LGALS14: variants seen among roughly 807,000 people sequenced by gnomAD.
LGALS14 encodes galectin 14, also known as placental protein 13-like.
LGALS14 carries 14 observed loss-of-function variants against 14.6 expected under a neutral mutation model. The observed-to-expected ratio is 0.96, with a 90% confidence interval of 0.64 to 1.50. The LOEUF (loss-of-function observed/expected upper bound fraction) is 1.50. Among genes scored for constraint, LGALS14 ranks in the 40% most tolerant of loss-of-function variants. LGALS14 has a pLI of 0.00. For synonymous variants in LGALS14, 57 were observed against 63.9 expected, an observed-to-expected ratio of 0.89 and a Z score of 0.51; for missense variants, 180 against 172.0, an observed-to-expected ratio of 1.05 and a Z score of -0.26.
chr19:39,705,064 G>C (rs557705792), intron 1 of LGALS14, among the ~76,000 whole-genome samples: 4 of 152,120 alleles, frequency 2.6e-5, no homozygotes, highest in African/African-American at 9.7e-5. Flanking sequence ...GCATGTGAAG[G>C]TTCCTCCCCA....
At chr19:39,708,951 C>T (rs190739123) in intron 3 of LGALS14, among the ~76,000 whole-genome samples, 54 of 152,250 alleles carry the variant, frequency 3.5e-4, no homozygotes, top group Middle Eastern at 3.4e-3. Flanking sequence ...GCCGAGTAAA[C>T]GGACTGTGTG....
Position 39,705,616 on chromosome 19 carries a change from G to A in LGALS14, c.16-981G>A, listed in dbSNP as rs1973702306. 1.5e-5 allele frequency: 4 copies of A among 263,142 alleles called. No individual in the cohort carries two copies. The East Asian group carries it at 3.8e-4, about 25-fold the overall frequency. The allele number at this position is 263,142 out of a possible 1,614,324, so 16.3% of individuals were successfully genotyped here. A position where few individuals can be genotyped will look rare whatever the true frequency, so the allele number is the denominator to read the frequency against. ...CCACCAATTTGGGAGGCAAAGATGGGAGGGTAACTTGAGGCCAGAAATTTG... is the reference window on the plus strand; with the variant it reads ...CCACCAATTTGGGAGGCAAAGATGGAAGGGTAACTTGAGGCCAGAAATTTG... On this transcript the variant is annotated intron_variant, in intron 1 of 3. Transcript: ENST00000392052.
At chr19:39,707,945 A>C (rs1312335056) in intron 3 of LGALS14, among the ~76,000 whole-genome samples, 1 of 152,038 alleles carries the variant, frequency 6.6e-6, no homozygotes. Context: ...AAGTAGCCGG[A>C]ATTACAGGTG....
intron 1 of LGALS14, among the ~76,000 whole-genome samples, chr19:39,705,228 T>C (rs562084528): frequency 6.6e-6 from 1 of 152,220 alleles, no homozygotes; most frequent in Admixed American, 6.5e-5. Flanking sequence ...TCAGTAGATA[T>C]CTCTTCCCAG....
In LGALS14 at chr19:39,707,175, C is replaced by T; in HGVS notation, c.93-3C>T. On this transcript the variant is annotated splice_region_variant and splice_polypyrimidine_tract_variant and intron_variant, in intron 2 of 3. Transcript: ENST00000392052. ...CCCAACATGCTGTGTGCTTTGACCT[C>T]AGCAAGGACCCACAGCTGGAGGTGA... 6.2e-7 allele frequency: 1 copy of T among 1,611,984 alleles called. No individual in the cohort carries two copies. Among genetic ancestry groups the T allele is most frequent in the South Asian group, 1.1e-5 (1 of 91,036 alleles).
Position 39,706,656 on chromosome 19 carries a change from A to G in LGALS14, c.75A>G (p.Thr25=). The change falls in exon 2 of 4, where the codon ACA becomes ACG. Residue 25 remains threonine, a synonymous_variant. Transcript: ENST00000392052. ...GTTCGTGCGTGATAATCACAGGGAC[A>G]CCGATCCTCACTTTTGTGTGAGTAC... The part of the protein sequence containing the change: ...PVGSCVIITG[T]PILTFVKDPQ... 1 of 1,613,602 alleles carries G rather than the reference A, an allele frequency of 6.2e-7. No homozygotes were observed. Among genetic ancestry groups the G allele is most frequent in the Non-Finnish European group, 8.5e-7 (1 of 1,179,518 alleles).
intron 2 of LGALS14, 29 bp downstream of exon 2, chr19:39,706,702 G>C (rs780931801): frequency 1.9e-5 from 28 of 1,513,228 alleles, no homozygotes; most frequent in Middle Eastern, 3.4e-4. Context: ...AATGGAGGGG[G>C]TGGAGGAGAG....
rs753272728 is a variant in LGALS14, at chr19:39,706,662, C to T, written c.81C>T (p.Ile27=). ...GCGTGATAATCACAGGGACACCGAT[C>T]CTCACTTTTGTGTGAGTACTCCATG... ...GSCVIITGTP[I]LTFVKDPQLE... Residue 27 remains isoleucine, a synonymous_variant, in exon 2 of 4, where the codon ATC becomes ATT. Coordinates refer to ENST00000392052, the MANE Select transcript of LGALS14 (RefSeq NM_020129.3). 1.2e-6 allele frequency: 2 copies of T among 1,613,264 alleles called. No individual in the cohort carries two copies. The highest frequency in any genetic ancestry group is 1.7e-6 in the Non-Finnish European group (2 of 1,179,174).
In LGALS14 at chr19:39,704,544, G is replaced by A. The variant is rs752845895; in HGVS notation, c.15+1G>A. ...GGAGAGAACAATGTCATCACTACCC[G>A]TGAGTTGAAAAGTCACAGCCTTCAA... On this transcript the variant is annotated splice_donor_variant, in intron 1 of 3. Transcript: ENST00000392052. LOFTEE classifies it high-confidence loss of function. 40 of 1,613,478 alleles carry A rather than the reference G, an allele frequency of 2.5e-5. No homozygotes were observed. The highest frequency in any genetic ancestry group is 1.1e-4 in the East Asian group (5 of 44,792).
intron 1 of LGALS14, 58 bp downstream of exon 1, chr19:39,704,601 C>G (rs921010348): frequency 5.8e-6 from 9 of 1,561,816 alleles, no homozygotes; most frequent in Non-Finnish European, 7.9e-6. Flanking sequence ...AAGAAAGAAA[C>G]AGGGGAGGTT....
At chr19:39,705,824 G>T in intron 1 of LGALS14, 1 of 1,552,330 alleles carries the variant, frequency 6.4e-7, no homozygotes, top group South Asian at 1.2e-5. Flanking sequence ...CAGCCTGGGT[G>T]ACAGAGCAAG....
At chr19:39,707,448 C>A in intron 3 of LGALS14, 60 bp downstream of exon 3, 1 of 1,388,488 alleles carries the variant, frequency 7.2e-7, no homozygotes, top group South Asian at 1.2e-5. Flanking sequence ...CAGGAGGCAG[C>A]TTTCATTGAC....
intron 1 of LGALS14, 87 bp from the exon 2 acceptor site, chr19:39,706,510 T>G: frequency 1.0e-6 from 1 of 966,150 alleles, no homozygotes; most frequent in African/African-American, 1.6e-5. Context: ...ACCTTTGATC[T>G]CTAACCTCCT....
intron 1 of LGALS14, chr19:39,705,881 C>G: frequency 1.2e-6 from 2 of 1,611,620 alleles, no homozygotes; most frequent in Non-Finnish European, 8.5e-7. Flanking sequence ...TTGCAGTCGT[C>G]GTAGAAATCA....
Position 39,709,343 on chromosome 19 carries a change from G to A in LGALS14, c.*30G>A. The A allele has an allele frequency of 1.6e-6, 2 of 1,277,896 alleles. No homozygotes were observed. Among genetic ancestry groups the A allele is most frequent in the Non-Finnish European group, 2.3e-6 (2 of 874,550 alleles). The allele number at this position is 1,277,896 out of a possible 1,614,324, so 79.2% of individuals were successfully genotyped here. ...GATGATCAGACTCCTCATTGTTGAGGAATCCCTCTTTCTACCTGACCATGG... is the reference window on the plus strand; with the variant it reads ...GATGATCAGACTCCTCATTGTTGAGAAATCCCTCTTTCTACCTGACCATGG... On this transcript the variant is annotated 3_prime_UTR_variant, in exon 4 of 4. Coordinates refer to ENST00000392052, the MANE Select transcript of LGALS14 (RefSeq NM_020129.3).
intron 2 of LGALS14, 41 bp from the exon 3 acceptor site, chr19:39,707,137 A>G (rs1973725883): frequency 3.4e-6 from 5 of 1,492,100 alleles, no homozygotes; most frequent in Non-Finnish European, 4.7e-6. Context: ...TGTCTGCACA[A>G]TGGGGGGACC....
chr19:39,704,967 G>A (rs1973693383), intron 1 of LGALS14, among the ~76,000 whole-genome samples: 1 of 152,188 alleles, frequency 6.6e-6, no homozygotes. Context: ...GTGTAACTCA[G>A]TGAGTGGCAT....
chr19:39,705,079 G>A lies in LGALS14; in HGVS notation c.15+536G>A, dbSNP rs1293544510. On this transcript the variant is annotated intron_variant, in intron 1 of 3. Coordinates refer to ENST00000392052, the MANE Select transcript of LGALS14 (RefSeq NM_020129.3). ...GCATGTGAAGGTTCCTCCCCACACAGCAGCACCTCTGATGAAGCACCTGTG... is the reference window on the plus strand; with the variant it reads ...GCATGTGAAGGTTCCTCCCCACACAACAGCACCTCTGATGAAGCACCTGTG... Among the ~76,000 whole-genome samples, 4 of 152,168 alleles carry A rather than the reference G, an allele frequency of 2.6e-5. No individual in the cohort carries two copies. In the East Asian group the frequency reaches 5.8e-4, roughly 22 times the overall value.
At chr19:39,705,885 G>C (rs1318686624) in intron 1 of LGALS14, 10 of 1,612,064 alleles carry the variant, frequency 6.2e-6, no homozygotes, top group Non-Finnish European at 7.6e-6. Context: ...AGTCGTCGTA[G>C]AAATCAATCA....
Sources: gnomAD v4.1 joint callset for allele counts (sites outside exome capture counted in the v4.1 genomes callset) on GRCh38, gnomAD v4.1.1 for gene constraint, MANE v1.5 for transcripts, NCBI Gene and HGNC (gene_info 2026-07-23, HGNC 2026-07-21) for gene names.